Variants in ABHD2 observed in about 807,000 individuals in gnomAD.
ABHD2 encodes the protein monoacylglycerol lipase ABHD2.
A neutral mutation model predicts 48.1 loss-of-function variants in ABHD2; 20 were observed. The ratio of observed to expected loss-of-function variants is 0.42; its 90% CI spans 0.29 to 0.60. The LOEUF is 0.60. Among genes scored for constraint, ABHD2 ranks in the 20% least tolerant of loss-of-function variants. The pLI, the probability that ABHD2 is intolerant of heterozygous loss-of-function variation, is 0.24. For synonymous variants in ABHD2, 209 were observed against 214.2 expected, an observed-to-expected ratio of 0.98 and a Z score of 0.21; for missense variants, 405 against 550.9, an observed-to-expected ratio of 0.74 and a Z score of 2.65.
At position 89,182,834 on chromosome 15, in the gene ABHD2, G is replaced by T. The variant is rs1277530113; in HGVS notation, c.723-2590G>T. 6.6e-6 allele frequency among the ~76,000 whole-genome samples: 1 copy of T among 152,072 alleles called. No homozygotes were observed. The highest frequency in any genetic ancestry group is 2.4e-5 in the African/African-American group (1 of 41,398). On this transcript the variant is annotated intron_variant, in intron 6 of 10. Transcript: ENST00000352732. The surrounding 1 kb of genome is among the most constrained non-coding windows in gnomAD (Gnocchi z 4.8). ...AAAAGAACTTGGATAGGCAAGTAAG[G>T]TATTTGTGCAGTGTCTAGAGAGCTA...
intron 5 of ABHD2, among the ~76,000 whole-genome samples, chr15:89,163,274 G>C (rs1410967685): frequency 6.6e-6 from 1 of 152,220 alleles, no homozygotes; most frequent in Non-Finnish European, 1.5e-5. Flanking sequence ...TTGCTAATGT[G>C]ATTAGAAATT....
At chr15:89,108,447 C>T (rs2049821939) in intron 1 of ABHD2, among the ~76,000 whole-genome samples, 3 of 152,204 alleles carry the variant, frequency 2.0e-5, no homozygotes, top group African/African-American at 4.8e-5. Context: ...CTCCCTCCAA[C>T]GAGTACGACC....
the ABHD2 span, among the ~76,000 whole-genome samples, chr15:89,057,017 G>A: frequency 1.5e-3 from 230 of 148,550 alleles, 3 homozygotes; most frequent in African/African-American, 5.3e-3. Flanking sequence ...GGGTTCAAGC[G>A]ATTCTCCTGC....
At chr15:89,152,667 C>A (rs1458973440) in intron 4 of ABHD2, among the ~76,000 whole-genome samples, 2 of 152,204 alleles carry the variant, frequency 1.3e-5, no homozygotes, top group African/African-American at 4.8e-5. Flanking sequence ...CCCAGGTTCC[C>A]TTTGCTTAGG....
At position 89,184,001 on chromosome 15, in the gene ABHD2, G is replaced by A. The variant is rs1035622857; in HGVS notation, c.723-1423G>A. 1.3e-5 allele frequency among the ~76,000 whole-genome samples: 2 copies of A among 152,148 alleles called. No individual in the cohort carries two copies. Among genetic ancestry groups the A allele is most frequent in the Non-Finnish European group, 2.9e-5 (2 of 68,036 alleles). On this transcript the variant is annotated intron_variant, in intron 6 of 10. Coordinates refer to ENST00000352732, the MANE Select transcript of ABHD2 (RefSeq NM_152924.5). This position sits in a 1 kb window ranked among gnomAD's most constrained non-coding sequence, Gnocchi z 5.1. ...GCTTTAGCCGGGGTCCCTCATGGTG[G>A]TCTGGTCCTATACTCTTCCTGTAGT...
In ABHD2 at chr15:89,183,384, A is replaced by AAAAAATATATATAT. The variant is rs61602174; in HGVS notation, c.723-2039_723-2038insAAAATATATATATA. The AAAAAATATATATAT allele has an allele frequency of 2.9e-3, 134 of 46,240 alleles. 1 individual carries two copies. Among genetic ancestry groups the AAAAAATATATATAT allele is most frequent in the Non-Finnish European group, 4.5e-3 (107 of 23,582 alleles). The allele number at this position is 46,240 out of a possible 1,614,324, so 2.9% of individuals were successfully genotyped here. A position where few individuals can be genotyped will look rare whatever the true frequency, so the allele number is the denominator to read the frequency against. ...AGTCCTTTTCAAAAAAAAAAAAAAA[A>AAAAAATATATATAT]ATATATATATATATATATATATATA... On this transcript the variant is annotated intron_variant, in intron 6 of 10. Coordinates refer to ENST00000352732, the MANE Select transcript of ABHD2 (RefSeq NM_152924.5).
chr15:89,156,244 C>G (rs1475713245), intron 5 of ABHD2, among the ~76,000 whole-genome samples: 4 of 151,534 alleles, frequency 2.6e-5, no homozygotes, highest in African/African-American at 9.7e-5. Context: ...CCTCAGCCTC[C>G]CAAGTAGCTG....
chr15:89,195,357 T>A lies in ABHD2; in HGVS notation c.1212T>A (p.Ile404=), dbSNP rs756329588. The A allele has an allele frequency of 1.5e-5, 24 of 1,614,054 alleles. No individual in the cohort carries two copies. Among genetic ancestry groups the A allele is most frequent in the Non-Finnish European group, 2.0e-5 (24 of 1,180,040 alleles). ...DKLVVEYANA[I]CQWERNKLQC... ...TGGTGGTGGAGTACGCCAACGCCAT[T>A]TGCCAATGGGAGCGTAACAAGTTGC... The change falls in exon 11 of 11, where the codon ATT becomes ATA. Residue 404 remains isoleucine, a synonymous_variant. Transcript: ENST00000352732. The surrounding 1 kb of genome is among the most constrained non-coding windows in gnomAD (Gnocchi z 5.1).
Position 89,176,431 on chromosome 15 carries a change from AG to A in ABHD2, c.722+439del, listed in dbSNP as rs1434645991. On this transcript the variant is annotated intron_variant, in intron 6 of 10. Coordinates refer to ENST00000352732, the MANE Select transcript of ABHD2 (RefSeq NM_152924.5). The surrounding 1 kb of genome is among the most constrained non-coding windows in gnomAD (Gnocchi z 4.5). ...AGATGAGTCCCAGATGGCATCTGGA[AG>A]GGATCTGTAGAAATCATTTAATCAG... 5.9e-5 allele frequency among the ~76,000 whole-genome samples: 9 copies of A among 152,166 alleles called. No individual in the cohort carries two copies. Among genetic ancestry groups the A allele is most frequent in the Non-Finnish European group, 1.3e-4 (9 of 68,032 alleles).
intron 1 of ABHD2, among the ~76,000 whole-genome samples, chr15:89,093,441 G>A (rs898851820): frequency 1.3e-5 from 2 of 152,030 alleles, no homozygotes; most frequent in African/African-American, 4.8e-5. Flanking sequence ...AAAGTGCTGG[G>A]ATTACAGACG....
rs1363943221 is a variant in ABHD2 at position 89,097,180 on chromosome 15, C to T, written c.-107+8617C>T. On this transcript the variant is annotated intron_variant, in intron 1 of 10. Coordinates refer to ENST00000352732, the MANE Select transcript of ABHD2 (RefSeq NM_152924.5). This position sits in a 1 kb window ranked among gnomAD's most constrained non-coding sequence, Gnocchi z 4.2. ...TCATATAATGAACCTCCAAGCCCCA[C>T]AAAACCCATCCCAGCTTTAACAATA... 2.0e-5 allele frequency among the ~76,000 whole-genome samples: 3 copies of T among 152,190 alleles called. No individual in the cohort carries two copies. The highest frequency in any genetic ancestry group is 3.8e-4 in the East Asian group (2 of 5,198).
rs971322731 is a variant in ABHD2 at position 89,092,169 on chromosome 15, C to G, written c.-107+3606C>G. ...TGGTGTGGACAGACGATAAGCTCCA[C>G]CATTACCCCTGAAGCTTGTGGACTG... On this transcript the variant is annotated intron_variant, in intron 1 of 10. Coordinates refer to ENST00000352732, the MANE Select transcript of ABHD2 (RefSeq NM_152924.5). The surrounding 1 kb of genome is among the most constrained non-coding windows in gnomAD (Gnocchi z 4.4). Among the ~76,000 whole-genome samples, 1 of 152,198 alleles carries G rather than the reference C, an allele frequency of 6.6e-6. No individual in the cohort carries two copies. The highest frequency in any genetic ancestry group is 2.4e-5 in the African/African-American group (1 of 41,436).
At chr15:89,134,366 C>T (rs757284751) in intron 3 of ABHD2, among the ~76,000 whole-genome samples, 11 of 152,060 alleles carry the variant, frequency 7.2e-5, no homozygotes, top group Non-Finnish European at 1.2e-4. Context: ...TTCAAGACGG[C>T]TACACTTTGT....
chr15:89,161,160 C>T (rs2050756478), intron 5 of ABHD2, among the ~76,000 whole-genome samples: 1 of 152,074 alleles, frequency 6.6e-6, no homozygotes, highest in African/African-American at 2.4e-5. Flanking sequence ...AAGGTATAGC[C>T]AAGGTTTTTC....
At chr15:89,048,632 C>CTTCATTTCA in the ABHD2 span, among the ~76,000 whole-genome samples, 1 of 152,070 alleles carries the variant, frequency 6.6e-6, no homozygotes, top group Non-Finnish European at 1.5e-5. Flanking sequence ...TCCCTTCTCT[C>CTTCATTTCA]TTCATTTCAT....
chr15:89,045,080 T>A, the ABHD2 span, among the ~76,000 whole-genome samples: 1 of 152,222 alleles, frequency 6.6e-6, no homozygotes, highest in Non-Finnish European at 1.5e-5. Flanking sequence ...TTGATTTTTG[T>A]ATAAGGTGTA....
At chr15:89,058,810 C>A in the ABHD2 span, among the ~76,000 whole-genome samples, 3 of 152,166 alleles carry the variant, frequency 2.0e-5, no homozygotes, top group East Asian at 3.9e-4. Flanking sequence ...CAGCCCTCAA[C>A]AATATCTCAA....
In ABHD2 at chr15:89,151,550, C is replaced by T. The variant is rs2050591182; in HGVS notation, c.195-127C>T. ...CACGGATGTAACGTAATAAAAGCCT[C>T]ATGTTTATGCTTTGTGTGCAGAATT... On this transcript the variant is annotated intron_variant, in intron 3 of 10. Transcript: ENST00000352732. This position sits in a 1 kb window ranked among gnomAD's most constrained non-coding sequence, Gnocchi z 4.7. The T allele has an allele frequency of 3.0e-6, 3 of 986,300 alleles. No homozygotes were observed. The highest frequency in any genetic ancestry group is 5.3e-5 in the Admixed American group (2 of 37,448). 61.1% of individuals were successfully genotyped at this position (986,300 alleles called of 1,614,324 possible).
intron 3 of ABHD2, among the ~76,000 whole-genome samples, chr15:89,124,780 C>T (rs922761378): frequency 1.3e-5 from 2 of 152,006 alleles, no homozygotes; most frequent in Admixed American, 1.3e-4. Context: ...GGTGAAACCC[C>T]GTTTCTACTA....
Sources: gnomAD v4.1 joint callset for allele counts (sites outside exome capture counted in the v4.1 genomes callset) on GRCh38, gnomAD v4.1.1 for gene constraint, Gnocchi (gnomAD v3.1) non-coding constraint, MANE v1.5 for transcripts, NCBI Gene and HGNC (gene_info 2026-07-23, HGNC 2026-07-21) for gene names.